KCTD13: variants seen among roughly 807,000 people sequenced by gnomAD.
KCTD13 encodes the protein BTB/POZ domain-containing adapter for CUL3-mediated RhoA degradation protein 1.
Under a neutral mutation model 32.3 loss-of-function variants are expected in KCTD13, and 15 were observed. The ratio of observed to expected loss-of-function variants is 0.46; its 90% CI spans 0.31 to 0.71. The LOEUF is 0.71. Ranked by LOEUF, KCTD13 falls within the 30% of genes least tolerant of loss-of-function variation. KCTD13 has a pLI of 0.05. For synonymous variants in KCTD13, 189 were observed against 200.1 expected, an observed-to-expected ratio of 0.94 and a Z score of 0.47; for missense variants, 337 against 452.6, an observed-to-expected ratio of 0.74 and a Z score of 2.32.
intron 2 of KCTD13, among the ~76,000 whole-genome samples, chr16:29,918,018 T>C (rs2068840002): frequency 6.6e-6 from 1 of 152,064 alleles, no homozygotes; most frequent in Non-Finnish European, 1.5e-5. Context: ...AACAAGACCA[T>C]AAGGATACAG....
In KCTD13 at chr16:29,926,206, G is replaced by C; in HGVS notation, c.-173C>G. ...CCGCCCCATCTCGCTCGCACCACCC[G>C]GAAGCCGGCGCCGGGCAGCTGCGCA... On this transcript the variant is annotated 5_prime_UTR_variant, in exon 1 of 6. Transcript: ENST00000568000. 1 of 715,084 alleles carries C rather than the reference G, an allele frequency of 1.4e-6. No homozygotes were observed. The highest frequency in any genetic ancestry group is 4.3e-5 in the Admixed American group (1 of 23,516). The allele number at this position is 715,084 out of a possible 1,614,324, so 44.3% of individuals were successfully genotyped here.
chr16:29,911,228 C>G, intron 4 of KCTD13, 55 bp from the exon 5 acceptor site: 1 of 1,394,552 alleles, frequency 7.2e-7, no homozygotes, highest in Middle Eastern at 1.8e-4. Flanking sequence ...TCCCTCTGTA[C>G]CCCCAGAAGA....
In KCTD13 at chr16:29,911,953, G is replaced by T. The variant is rs772953486; in HGVS notation, c.504+7C>A. ...AGCCTCCACCCTGCAGGGCTTGGGG[G>T]CCTCACCTTGGAGGTGCTGGCCAGG... On this transcript the variant is annotated splice_region_variant and intron_variant, in intron 3 of 5. Transcript: ENST00000568000. The T allele has an allele frequency of 1.2e-6, 2 of 1,610,472 alleles. No individual in the cohort carries two copies. Among genetic ancestry groups the T allele is most frequent in the Non-Finnish European group, 1.7e-6 (2 of 1,178,798 alleles).
chr16:29,908,829 A>C (rs1394105402), intron 5 of KCTD13, among the ~76,000 whole-genome samples: 1 of 151,722 alleles, frequency 6.6e-6, no homozygotes, highest in Non-Finnish European at 1.5e-5. Flanking sequence ...CAGCTTCCTG[A>C]GTACCTGGGT....
Position 29,906,612 on chromosome 16 carries a change from A to G in KCTD13, c.*260T>C. 1.5e-6 allele frequency: 1 copy of G among 647,262 alleles called. No homozygotes were observed. The highest frequency in any genetic ancestry group is 2.9e-6 in the Non-Finnish European group (1 of 348,462). The allele number at this position is 647,262 out of a possible 1,614,324, so 40.1% of individuals were successfully genotyped here. On this transcript the variant is annotated 3_prime_UTR_variant, in exon 6 of 6. Transcript: ENST00000568000. Reference sequence around the variant, plus strand: ...TTCTAAATCCCTCTTAACCAGCTGGAGAGGGAAGGACGCAGGGCCAGGGTG... The same window carrying G: ...TTCTAAATCCCTCTTAACCAGCTGGGGAGGGAAGGACGCAGGGCCAGGGTG...
Position 29,906,737 on chromosome 16 carries a change from C to T in KCTD13, c.*135G>A. The stretch of plus-strand genomic sequence containing the variant: ...ATGGGTGGAGAAGGGCCAAAGTGAG[C>T]TGTGCCATGCAATGAAGGGACAGAG... On this transcript the variant is annotated 3_prime_UTR_variant, in exon 6 of 6. Transcript: ENST00000568000. 4.1e-6 allele frequency: 3 copies of T among 723,766 alleles called. No homozygotes were observed. Among genetic ancestry groups the T allele is most frequent in the Non-Finnish European group, 7.2e-6 (3 of 417,000 alleles). The allele number at this position is 723,766 out of a possible 1,614,324, so 44.8% of individuals were successfully genotyped here. A position where few individuals can be genotyped will look rare whatever the true frequency, so the allele number is the denominator to read the frequency against.
rs2068994387 is a variant in KCTD13, at chr16:29,926,131, C to T, written c.-98G>A. 7 of 1,327,764 alleles carry T rather than the reference C, an allele frequency of 5.3e-6. No homozygotes were observed. Among genetic ancestry groups the T allele is most frequent in the South Asian group, 1.6e-5 (1 of 61,876 alleles). 82.2% of individuals were successfully genotyped at this position (1,327,764 alleles called of 1,614,324 possible). On this transcript the variant is annotated 5_prime_UTR_variant, in exon 1 of 6. Transcript: ENST00000568000. ...CCGGCCCCCAGCCCTTGGGCCAGAC[C>T]GCTCGGCGCACACGCCCACTCACCG...
chr16:29,922,998 GGC>G, intron 2 of KCTD13, 190 bp downstream of exon 2: 1 of 597,126 alleles, frequency 1.7e-6, no homozygotes. Flanking sequence ...CAAAGGTCCT[GGC>G]ATGAGGCTGG....
chr16:29,918,645 A>G (rs755452211), intron 2 of KCTD13, among the ~76,000 whole-genome samples: 1 of 136,836 alleles, frequency 7.3e-6, no homozygotes, highest in Non-Finnish European at 1.6e-5. Flanking sequence ...TAATTTTTGT[A>G]ATTTTTTATT....
intron 2 of KCTD13, chr16:29,919,777 C>T (rs1037402600): frequency 5.3e-5 from 8 of 152,012 alleles, no homozygotes; most frequent in South Asian, 2.1e-4. Flanking sequence ...ACACAGGAAA[C>T]GACCTGGAAG....
At chr16:29,923,744 CG>C (rs896113597) in intron 1 of KCTD13, among the ~76,000 whole-genome samples, 21 of 148,316 alleles carry the variant, frequency 1.4e-4, no homozygotes, top group African/African-American at 3.5e-4. Context: ...GCCAGCTACT[CG>C]GGGGGGGGCG....
At chr16:29,912,821 C>G (rs939003899) in intron 2 of KCTD13, among the ~76,000 whole-genome samples, 6 of 152,206 alleles carry the variant, frequency 3.9e-5, no homozygotes, top group African/African-American at 1.2e-4. Flanking sequence ...CTCTTCCCAC[C>G]TAGGAATAAC....
chr16:29,911,534 C>T (rs2068709228), intron 4 of KCTD13: 1 of 586,986 alleles, frequency 1.7e-6, no homozygotes, highest in Admixed American at 3.1e-5. Flanking sequence ...GTACTGACCT[C>T]AAGGGGGAGG....
chr16:29,922,910 AT>A (rs1388005144), intron 2 of KCTD13: 1 of 457,282 alleles, frequency 2.2e-6, no homozygotes, highest in African/African-American at 2.0e-5. Context: ...CTGAAAGATA[AT>A]TACTCAGGTG....
chr16:29,913,625 G>T (rs2068756304), intron 2 of KCTD13: 1 of 152,242 alleles, frequency 6.6e-6, no homozygotes, highest in African/African-American at 2.4e-5. Context: ...CAGTGGGGCT[G>T]TGGGCATCAA....
intron 2 of KCTD13, chr16:29,921,082 G>C (rs1242569953): frequency 1.3e-5 from 2 of 152,064 alleles, no homozygotes; most frequent in South Asian, 2.1e-4. Context: ...GATGTACTTG[G>C]AGCAGCATGA....
At chr16:29,921,220 A>C (rs1252859684) in intron 2 of KCTD13, 1 of 152,234 alleles carries the variant, frequency 6.6e-6, no homozygotes, top group Non-Finnish European at 1.5e-5. Context: ...CTTTTCGAGC[A>C]TATGTATCAA....
In KCTD13 at chr16:29,910,397, A is replaced by AAAT. The variant is rs142518050; in HGVS notation, c.753+578_753+580dup. Among the ~76,000 whole-genome samples the AAAT allele has an allele frequency of 2.3e-3, 355 of 151,360 alleles. 1 individual carries two copies. The South Asian group carries it at 0.025, about 11-fold the overall frequency. ...TGGTGACACAACGAGACTCCATCTC[A>AAAT]AATAATAATAATAATAATAATAAAT... is the stretch of plus-strand genomic sequence containing the variant. On this transcript the variant is annotated intron_variant, in intron 5 of 5. Transcript: ENST00000568000.
chr16:29,911,547 T>C, intron 4 of KCTD13: 1 of 589,238 alleles, frequency 1.7e-6, no homozygotes, highest in South Asian at 2.0e-5. Flanking sequence ...GGGGGAGGAC[T>C]CTGCCAGTTC....
Sources: allele counts gnomAD v4.1 joint callset (sites outside exome capture counted in the v4.1 genomes callset), GRCh38; gene constraint gnomAD v4.1.1; transcripts MANE v1.5; gene names NCBI Gene and HGNC (gene_info 2026-07-23, HGNC 2026-07-21).